KLHL12: variants seen among roughly 807,000 people sequenced by gnomAD.
KLHL12 encodes the protein kelch like family member 12, also known as kelch-like protein 12.
A neutral mutation model predicts 60.8 loss-of-function variants in KLHL12; 17 were observed. The ratio of observed to expected loss-of-function variants is 0.28; its 90% confidence interval spans 0.19 to 0.42. KLHL12 has a LOEUF of 0.42. KLHL12 is among the 10% of genes least tolerant of loss of function. The pLI, the probability that KLHL12 is intolerant of heterozygous loss-of-function variation, is 1.00. For missense variants in KLHL12, 468 were observed against 722.3 expected (o/e 0.65, Z 4.04); for synonymous variants, 220 against 250.9 (o/e 0.88, Z 1.16).
Position 202,924,964 on chromosome 1 carries a change from T to C in KLHL12, c.195+4A>G, listed in dbSNP as rs1291665683. 2.5e-6 allele frequency: 4 copies of C among 1,612,142 alleles called. No individual in the cohort carries two copies. In the Admixed American group the frequency reaches 6.7e-5, roughly 27 times the overall value. ...CATTTGTGTGGGGCTAATTTACCAC[T>C]TACCTCACTAGTGAACATGGCACAG... is the stretch of plus-strand genomic sequence containing the variant. On this transcript the variant is annotated splice_donor_region_variant and intron_variant, in intron 2 of 11. Transcript: ENST00000367261.
chr1:202,918,505 C>G, intron 3 of KLHL12, 117 bp from the exon 4 acceptor site: 1 of 756,552 alleles, frequency 1.3e-6, no homozygotes, highest in Admixed American at 2.6e-5. Flanking sequence ...TGTTTCAACA[C>G]CTAAGAAACA....
At chr1:202,926,118 A>G (rs1450441079) in intron 1 of KLHL12, among the ~76,000 whole-genome samples, 2 of 151,842 alleles carry the variant, frequency 1.3e-5, no homozygotes, top group African/African-American at 4.8e-5. Context: ...AAAAAAAAAA[A>G]AAAAAGAAAC....
At chr1:202,898,074 T>C (rs1456562234) in intron 6 of KLHL12, among the ~76,000 whole-genome samples, 1 of 151,976 alleles carries the variant, frequency 6.6e-6, no homozygotes, top group African/African-American at 2.4e-5. Flanking sequence ...AAATATTTCC[T>C]ACCTTGGCTT....
rs1369368228 is a variant in KLHL12 at position 202,919,795 on chromosome 1, T to C, written c.309A>G (p.Val103=). Residue 103 remains valine (V), a synonymous_variant, in exon 3 of 12, where the codon GTA becomes GTG. Transcript: ENST00000367261. The part of the protein sequence containing the change: ...TETVHVTVEN[V]QELLPAACLL... ...GACAGGCTGCAGGAAGCAGTTCTTG[T>C]ACATTCTCCACTGTCACATGTACTG... 3.1e-6 allele frequency: 5 copies of C among 1,613,604 alleles called. No homozygotes were observed. In the South Asian group the frequency reaches 5.5e-5, roughly 18 times the overall value.
At chr1:202,908,651 G>A (rs1384999711) in intron 6 of KLHL12, among the ~76,000 whole-genome samples, 2 of 152,034 alleles carry the variant, frequency 1.3e-5, no homozygotes, top group Admixed American at 1.3e-4. Context: ...TGAAGAGGTG[G>A]GTGGAAGCAT....
intron 2 of KLHL12, among the ~76,000 whole-genome samples, chr1:202,922,754 G>A (rs1166523857): frequency 1.3e-5 from 2 of 152,022 alleles, no homozygotes; most frequent in African/African-American, 4.8e-5. Flanking sequence ...CCAAAGTGCT[G>A]GGATTACAGG....
At chr1:202,901,214 T>C (rs1659997713) in intron 6 of KLHL12, among the ~76,000 whole-genome samples, 1 of 152,176 alleles carries the variant, frequency 6.6e-6, no homozygotes, top group Non-Finnish European at 1.5e-5. Flanking sequence ...CTGGTAACTA[T>C]ATGTCTACAG....
rs148619648 is a variant in KLHL12 at position 202,919,864 on chromosome 1, A to C, written c.240T>G (p.Thr80=). 22 of 1,613,904 alleles carry C rather than the reference A, an allele frequency of 1.4e-5. No homozygotes were observed. The African/African-American group carries it at 2.4e-4, about 18-fold the overall frequency. ...GKPYVDIQGL[T]ASTMEILLDF... Reference sequence around the variant, plus strand: ...CCAATAAAATTTCCATGGTAGAGGCAGTCAAACCTTGGATGTCAACATAAG... The same window carrying C: ...CCAATAAAATTTCCATGGTAGAGGCCGTCAAACCTTGGATGTCAACATAAG... Residue 80 remains threonine (T), a synonymous_variant, in exon 3 of 12, where the codon ACT becomes ACG. Transcript: ENST00000367261.
At chr1:202,897,746 T>G (rs1659886115) in intron 6 of KLHL12, among the ~76,000 whole-genome samples, 1 of 151,854 alleles carries the variant, frequency 6.6e-6, no homozygotes, top group African/African-American at 2.4e-5. Context: ...TTTTTCTTTT[T>G]CTGAATTGAG....
intron 4 of KLHL12, among the ~76,000 whole-genome samples, chr1:202,915,848 T>C (rs1571537144): frequency 6.6e-6 from 1 of 152,194 alleles, no homozygotes; most frequent in Admixed American, 6.5e-5. Flanking sequence ...GAAGCTCCAG[T>C]GGACAGGGAT....
At chr1:202,915,684 C>G (rs1361321810) in intron 4 of KLHL12, among the ~76,000 whole-genome samples, 3 of 152,156 alleles carry the variant, frequency 2.0e-5, no homozygotes, top group African/African-American at 7.2e-5. Context: ...AGAGAAGAGA[C>G]TCTGGAGCCA....
chr1:202,919,551 G>A (rs543400927), intron 3 of KLHL12, among the ~76,000 whole-genome samples: 1 of 151,876 alleles, frequency 6.6e-6, no homozygotes, highest in East Asian at 1.9e-4. Flanking sequence ...CTTTTATAGA[G>A]CCAAATACTC....
At chr1:202,926,988 T>C in intron 1 of KLHL12, 101 bp downstream of exon 1, 1 of 881,474 alleles carries the variant, frequency 1.1e-6, no homozygotes, top group African/African-American at 1.8e-5. Flanking sequence ...ATGTCTCCCA[T>C]TCCGCCTTGC....
chr1:202,925,560 A>G (rs1464633331), intron 1 of KLHL12, among the ~76,000 whole-genome samples: 1 of 152,168 alleles, frequency 6.6e-6, no homozygotes, highest in Non-Finnish European at 1.5e-5. Context: ...TAAAGGTGTT[A>G]TATTATTACT....
intron 6 of KLHL12, among the ~76,000 whole-genome samples, chr1:202,897,769 T>G (rs1659886765): frequency 6.6e-6 from 1 of 151,080 alleles, no homozygotes; most frequent in South Asian, 2.1e-4. Flanking sequence ...AGGGTCTCGC[T>G]ATATTGCCCA....
intron 4 of KLHL12, chr1:202,912,106 C>G (rs1170692894): frequency 3.6e-6 from 3 of 822,870 alleles, no homozygotes; most frequent in Non-Finnish European, 6.3e-6. Flanking sequence ...TTCTCAAAGA[C>G]CAGGTGCTCA....
chr1:202,896,983 G>T, intron 6 of KLHL12, 23 bp from the exon 7 acceptor site: 1 of 1,588,520 alleles, frequency 6.3e-7, no homozygotes, highest in Non-Finnish European at 8.6e-7. Flanking sequence ...GCAGAAAAAA[G>T]ATGGGTTAGT....
chr1:202,906,114 C>T (rs1209614386), intron 6 of KLHL12, among the ~76,000 whole-genome samples: 1 of 145,476 alleles, frequency 6.9e-6, no homozygotes, highest in Non-Finnish European at 1.5e-5. Flanking sequence ...CCACCGCGCC[C>T]GGCCACCCAA....
upstream of KLHL12, chr1:202,927,349 G>T (rs1653636936): frequency 2.3e-6 from 2 of 860,022 alleles, no homozygotes; most frequent in Non-Finnish European, 2.8e-6. Flanking sequence ...CTGTACCCTA[G>T]CGCGGGGCTT....
Sources: gnomAD v4.1 joint callset for allele counts (sites outside exome capture counted in the v4.1 genomes callset) on GRCh38, gnomAD v4.1.1 for gene constraint, MANE v1.5 for transcripts, NCBI Gene and HGNC (gene_info 2026-07-23, HGNC 2026-07-21) for gene names.